Variants in LMTK2 observed in about 807,000 individuals in gnomAD.
LMTK2 encodes serine/threonine-protein kinase LMTK2.
LMTK2 carries 37 observed loss-of-function variants against 127.5 expected under a neutral mutation model. That is an observed-to-expected ratio of 0.29 (90% CI 0.22 to 0.38). The LOEUF (loss-of-function observed/expected upper bound fraction) is 0.38. Ranked by LOEUF, LMTK2 falls within the 10% of genes least tolerant of loss-of-function variation. LMTK2 has a pLI of 1.00. For synonymous variants in LMTK2, 819 were observed against 810.1 expected (o/e 1.01, Z -0.19); for missense variants, 1,694 against 1,920.3 (o/e 0.88, Z 2.20).
intron 7 of LMTK2, among the ~76,000 whole-genome samples, chr7:98,177,684 G>A (rs746205436): frequency 6.6e-6 from 1 of 152,030 alleles, no homozygotes; most frequent in Non-Finnish European, 1.5e-5. Context: ...CCAGCCAGAG[G>A]CGTTTTCCCT....
chr7:98,202,851 GTTC>G lies in LMTK2; in HGVS notation c.4108-720_4108-718del, dbSNP rs1406829254. Reference sequence around the variant, plus strand: ...TTCTGTGATGTCCCTGATACTTGCAGTTCTTTGGGCCTCTGCTTTCTGGTCCCC... The same window carrying G: ...TTCTGTGATGTCCCTGATACTTGCAGTTTGGGCCTCTGCTTTCTGGTCCCC... On this transcript the variant is annotated intron_variant, in intron 11 of 13. Transcript: ENST00000297293. Among the ~76,000 whole-genome samples, 12 of 152,336 alleles carry G rather than the reference GTTC, an allele frequency of 7.9e-5. No homozygotes were observed. In the East Asian group the frequency reaches 1.9e-3, roughly 24 times the overall value.
At chr7:98,195,619 G>A (rs1241434486) in intron 11 of LMTK2, among the ~76,000 whole-genome samples, 7 of 152,244 alleles carry the variant, frequency 4.6e-5, no homozygotes, top group Admixed American at 6.5e-5. Flanking sequence ...AGTCCTCGCC[G>A]TCTCCTTCAC....
At chr7:98,137,539 A>AT (rs1796612783) in intron 2 of LMTK2, 97 bp downstream of exon 2, 45 of 1,220,688 alleles carry the variant, frequency 3.7e-5, no homozygotes, top group Non-Finnish European at 4.1e-5. Context: ...GGATCAGCAG[A>AT]TTTTTTTTCT....
rs150501122 is a variant in LMTK2 at position 98,194,248 on chromosome 7, C to A, written c.3783C>A (p.Ile1261=). ...GCCCGAAGTTGAAGGAGCCGGACAT[C>A]GAAGGGAAGTACCTGGGGAAACTCG... ...SEGPKLKEPD[I]EGKYLGKLGV... Residue 1261 remains isoleucine, a synonymous_variant, in exon 11 of 14, where the codon ATC becomes ATA. Coordinates refer to ENST00000297293, the MANE Select transcript of LMTK2 (RefSeq NM_014916.4). This position sits in a 1 kb window ranked among gnomAD's most constrained non-coding sequence, Gnocchi z 5.4. 7 of 1,614,044 alleles carry A rather than the reference C, an allele frequency of 4.3e-6. No individual in the cohort carries two copies. Among genetic ancestry groups the A allele is most frequent in the African/African-American group, 1.3e-5 (1 of 74,924 alleles).
chr7:98,204,586 C>T (rs1797760934), intron 13 of LMTK2, among the ~76,000 whole-genome samples: 2 of 152,204 alleles, frequency 1.3e-5, no homozygotes, highest in Admixed American at 1.3e-4. Flanking sequence ...ATGATTGTGC[C>T]ACTGCCCTCC....
chr7:98,167,854 G>C (rs929724215), intron 6 of LMTK2, among the ~76,000 whole-genome samples: 8 of 152,134 alleles, frequency 5.3e-5, no homozygotes, highest in African/African-American at 1.2e-4. Flanking sequence ...GAGAGCCAGT[G>C]GGGGGGCCGA....
intron 4 of LMTK2, among the ~76,000 whole-genome samples, chr7:98,153,754 T>C (rs1796889328): frequency 6.6e-6 from 1 of 151,910 alleles, no homozygotes; most frequent in African/African-American, 2.4e-5. Flanking sequence ...TGGTCCCAGC[T>C]ACACGGAAGG....
intron 9 of LMTK2, among the ~76,000 whole-genome samples, chr7:98,187,214 T>G (rs1342641980): frequency 6.6e-6 from 1 of 152,236 alleles, no homozygotes; most frequent in African/African-American, 2.4e-5. Flanking sequence ...CTACCCATTT[T>G]CCTTTAGAAA....
At chr7:98,195,061 T>G (rs1797606194) in intron 11 of LMTK2, among the ~76,000 whole-genome samples, 1 of 152,036 alleles carries the variant, frequency 6.6e-6, no homozygotes, top group African/African-American at 2.4e-5. Context: ...GTTTTTAATT[T>G]TTGTAGACAC....
At chr7:98,119,760 T>G (rs1348297776) in intron 1 of LMTK2, among the ~76,000 whole-genome samples, 4 of 152,196 alleles carry the variant, frequency 2.6e-5, no homozygotes. Context: ...GTGACATTCT[T>G]AATTCCCTTG....
chr7:98,189,280 G>A lies in LMTK2; in HGVS notation c.999-1448G>A, dbSNP rs151147913. Among the ~76,000 whole-genome samples the A allele has an allele frequency of 3.0e-3, 449 of 152,200 alleles. 3 individuals are homozygous for A. Among genetic ancestry groups the A allele is most frequent in the African/African-American group, 1.0e-2 (414 of 41,528 alleles). ...AAAGTTGCTCCTGGTTCCTGGCTGCGCCTGCCAGGGATGGGGTGGTGGAGG... is the reference window on the plus strand; with the variant it reads ...AAAGTTGCTCCTGGTTCCTGGCTGCACCTGCCAGGGATGGGGTGGTGGAGG... On this transcript the variant is annotated intron_variant, in intron 9 of 13. Transcript: ENST00000297293.
chr7:98,108,851 G>A (rs902104293), intron 1 of LMTK2, among the ~76,000 whole-genome samples: 3 of 140,298 alleles, frequency 2.1e-5, no homozygotes, highest in African/African-American at 7.7e-5. Flanking sequence ...ATGTCTGCCT[G>A]CACACTTTTT....
chr7:98,112,224 A>T (rs1043171425), intron 1 of LMTK2, among the ~76,000 whole-genome samples: 1 of 151,904 alleles, frequency 6.6e-6, no homozygotes, highest in Non-Finnish European at 1.5e-5. Flanking sequence ...AAGAGACAGG[A>T]TCTTGCTCTG....
At chr7:98,112,647 G>A (rs1796218946) in intron 1 of LMTK2, among the ~76,000 whole-genome samples, 2 of 152,160 alleles carry the variant, frequency 1.3e-5, no homozygotes, top group South Asian at 2.1e-4. Context: ...CCAGTCCTTG[G>A]TTAGGACATG....
intron 3 of LMTK2, among the ~76,000 whole-genome samples, chr7:98,147,121 G>T (rs1207928301): frequency 1.3e-5 from 2 of 152,166 alleles, no homozygotes; most frequent in African/African-American, 4.8e-5. Flanking sequence ...ATCTTATTGA[G>T]GATCCCTTGT....
chr7:98,115,564 C>T (rs1796268355), intron 1 of LMTK2, among the ~76,000 whole-genome samples: 1 of 152,010 alleles, frequency 6.6e-6, no homozygotes, highest in Admixed American at 6.6e-5. Context: ...AATCTCAGCA[C>T]TTTGGGAGGC....
At chr7:98,172,314 T>C (rs1438485067) in intron 7 of LMTK2, among the ~76,000 whole-genome samples, 3 of 150,932 alleles carry the variant, frequency 2.0e-5, no homozygotes, top group Non-Finnish European at 4.4e-5. Flanking sequence ...TTTTTTTTTT[T>C]TTTTTTTTGA....
At chr7:98,172,460 T>C (rs1417037741) in intron 7 of LMTK2, among the ~76,000 whole-genome samples, 2 of 152,124 alleles carry the variant, frequency 1.3e-5, no homozygotes, top group African/African-American at 2.4e-5. Flanking sequence ...AGATCATAGA[T>C]GGTGATTTTC....
rs1367266344 is a variant in LMTK2, at chr7:98,194,688, T to C, written c.4107+116T>C. The C allele has an allele frequency of 2.1e-6, 2 of 952,348 alleles. No homozygotes were observed. The highest frequency in any genetic ancestry group is 3.0e-6 in the Non-Finnish European group (2 of 657,090). 59.0% of individuals were successfully genotyped at this position (952,348 alleles called of 1,614,324 possible). ...GCCATTTTGAGGCAGCAGATTGTGA[T>C]TACTCACAAAAAGTAATTTGGGGTT... On this transcript the variant is annotated intron_variant, in intron 11 of 13. Coordinates refer to ENST00000297293, the MANE Select transcript of LMTK2 (RefSeq NM_014916.4). The surrounding 1 kb of genome is among the most constrained non-coding windows in gnomAD (Gnocchi z 5.4).
Sources: gnomAD v4.1 joint callset for allele counts (sites outside exome capture counted in the v4.1 genomes callset) on GRCh38, gnomAD v4.1.1 for gene constraint, Gnocchi (gnomAD v3.1) non-coding constraint, MANE v1.5 for transcripts, NCBI Gene and HGNC (gene_info 2026-07-23, HGNC 2026-07-21) for gene names.